The following LCOR variants were observed in gnomAD, a reference collection of about 807,000 sequenced individuals.
The protein encoded by LCOR is ligand-dependent corepressor.
A neutral mutation model predicts 64.4 loss-of-function variants in LCOR; 14 were observed. The ratio of observed to expected loss-of-function variants is 0.22; its 90% CI spans 0.14 to 0.34. The LOEUF (loss-of-function observed/expected upper bound fraction) is 0.34, where lower values mean the gene tolerates loss of function less well. Among genes scored for constraint, LCOR ranks in the 10% least tolerant of loss-of-function variants. The probability of loss-of-function intolerance (pLI) is 1.00; values close to 1 mark genes in which losing one functional copy is unlikely to be tolerated. For synonymous variants in LCOR, 643 were observed against 642.5 expected, an observed-to-expected ratio of 1.00 and a Z score of -0.01; for missense variants, 1,686 against 1,765.3, an observed-to-expected ratio of 0.96 and a Z score of 0.80.
In LCOR at chr10:96,994,113, T is replaced by C. The variant is rs536723023; in HGVS notation, c.*8979T>C. On this transcript the variant is annotated 3_prime_UTR_variant, in exon 8 of 8. Coordinates refer to ENST00000421806, the MANE Select transcript of LCOR (RefSeq NM_001346516.2). ...AGATGGAAAATTTTGCAATTTTTCA[T>C]GAATTTATAGGGTTTCCAGAATCTA... is the stretch of plus-strand genomic sequence containing the variant. 2 of 152,320 alleles carry C rather than the reference T, an allele frequency of 1.3e-5. No individual in the cohort carries two copies. Among genetic ancestry groups the C allele is most frequent in the South Asian group, 4.1e-4 (2 of 4,824 alleles). The allele number at this position is 152,320 out of a possible 1,614,324, so 9.4% of individuals were successfully genotyped here.
intron 7 of LCOR, among the ~76,000 whole-genome samples, chr10:96,953,921 A>G (rs761067758): frequency 6.6e-6 from 1 of 152,246 alleles, no homozygotes; most frequent in African/African-American, 2.4e-5. Flanking sequence ...CCCCTTGGGC[A>G]TGTTTTGCCA....
intron 1 of LCOR, among the ~76,000 whole-genome samples, 152 bp downstream of exon 1, chr10:96,832,551 G>C (rs1272077158): frequency 7.2e-6 from 1 of 139,284 alleles, no homozygotes; most frequent in African/African-American, 2.7e-5. Context: ...CCCCCGGAGT[G>C]TGAGCGCGCG....
At chr10:96,967,980 C>T (rs770059264) in intron 7 of LCOR, among the ~76,000 whole-genome samples, 1 of 152,118 alleles carries the variant, frequency 6.6e-6, no homozygotes, top group Non-Finnish European at 1.5e-5. Context: ...TAGACTAGAT[C>T]CACTGAATCA....
At chr10:96,889,459 C>A (rs1357038219) in intron 2 of LCOR, among the ~76,000 whole-genome samples, 1 of 152,182 alleles carries the variant, frequency 6.6e-6, no homozygotes, top group African/African-American at 2.4e-5. Flanking sequence ...CTCCTCCTGG[C>A]TTGTAGGTAG....
At position 96,833,293 on chromosome 10, in the gene LCOR, G is replaced by T. The variant is rs1482359727; in HGVS notation, c.-403-113G>T. Reference sequence around the variant, plus strand: ...CTCCCGGACCTTGGGCCGCCCTCGGGTGGCTTTTTCCCTGCGGGCCGGAGG... The same window carrying T: ...CTCCCGGACCTTGGGCCGCCCTCGGTTGGCTTTTTCCCTGCGGGCCGGAGG... On this transcript the variant is annotated intron_variant, in intron 1 of 7. Transcript: ENST00000421806. 6 of 954,038 alleles carry T rather than the reference G, an allele frequency of 6.3e-6. No homozygotes were observed. In the African/African-American group the frequency reaches 1.1e-4, roughly 17 times the overall value. The allele number at this position is 954,038 out of a possible 1,614,324, so 59.1% of individuals were successfully genotyped here.
chr10:96,836,953 A>G (rs1035213675), intron 2 of LCOR, among the ~76,000 whole-genome samples: 3 of 151,976 alleles, frequency 2.0e-5, no homozygotes, highest in East Asian at 3.8e-4. Flanking sequence ...AGCTTTAGTT[A>G]AGGATTTCAT....
intron 7 of LCOR, among the ~76,000 whole-genome samples, chr10:96,954,619 T>A (rs1847735309): frequency 7.1e-6 from 1 of 140,012 alleles, no homozygotes; most frequent in South Asian, 2.2e-4. Context: ...TGATGATTAC[T>A]TTGTAATTAA....
chr10:96,916,383 T>C (rs926522809), intron 4 of LCOR, among the ~76,000 whole-genome samples: 15 of 152,002 alleles, frequency 9.9e-5, no homozygotes, highest in Admixed American at 2.6e-4. Context: ...GTTGTTACTT[T>C]TATATTGTAT....
intron 4 of LCOR, among the ~76,000 whole-genome samples, chr10:96,913,984 A>G (rs1846892803): frequency 6.6e-6 from 1 of 152,132 alleles, no homozygotes; most frequent in Non-Finnish European, 1.5e-5. Flanking sequence ...GAAAGGGCAC[A>G]TCCTGGTTGG....
intron 2 of LCOR, among the ~76,000 whole-genome samples, chr10:96,859,800 C>A (rs556424150): frequency 6.6e-6 from 1 of 152,264 alleles, no homozygotes; most frequent in African/African-American, 2.4e-5. Flanking sequence ...CTCAAGCAGT[C>A]CACTCTTGGC....
At chr10:96,843,216 C>G (rs1845571374) in intron 2 of LCOR, among the ~76,000 whole-genome samples, 1 of 152,174 alleles carries the variant, frequency 6.6e-6, no homozygotes, top group South Asian at 2.1e-4. Context: ...ACTCAAACTC[C>G]TGGGGTCAAA....
intron 7 of LCOR, among the ~76,000 whole-genome samples, chr10:96,975,312 T>C (rs968776203): frequency 2.0e-4 from 31 of 152,212 alleles, no homozygotes; most frequent in African/African-American, 7.5e-4. Context: ...CAGGGCCTTT[T>C]AATGACACCT....
chr10:96,875,826 A>G (rs1409092567), intron 2 of LCOR, among the ~76,000 whole-genome samples: 1 of 152,106 alleles, frequency 6.6e-6, no homozygotes, highest in African/African-American at 2.4e-5. Flanking sequence ...TGTTTGCACC[A>G]CTGCACTCCA....
chr10:96,877,833 G>T (rs1201521763), intron 2 of LCOR, among the ~76,000 whole-genome samples: 2 of 151,896 alleles, frequency 1.3e-5, no homozygotes, highest in Admixed American at 1.3e-4. Flanking sequence ...GGATGGTCTC[G>T]ATCTCCTGAC....
chr10:96,979,506 A>T (rs1010873554), intron 7 of LCOR, among the ~76,000 whole-genome samples: 2 of 152,186 alleles, frequency 1.3e-5, no homozygotes, highest in African/African-American at 4.8e-5. Context: ...AGCTCTAAGG[A>T]TTTGTCCTGG....
At chr10:96,908,750 C>G (rs1242093787) in intron 4 of LCOR, among the ~76,000 whole-genome samples, 1 of 149,542 alleles carries the variant, frequency 6.7e-6, no homozygotes, top group Non-Finnish European at 1.5e-5. Flanking sequence ...GAGTCTCACT[C>G]TGTCATCCAG....
chr10:96,893,022 G>A (rs1846472663), intron 2 of LCOR, among the ~76,000 whole-genome samples: 1 of 151,700 alleles, frequency 6.6e-6, no homozygotes, highest in Non-Finnish European at 1.5e-5. Flanking sequence ...ACTGATTTTT[G>A]TGTTACATAT....
intron 7 of LCOR, among the ~76,000 whole-genome samples, chr10:96,974,584 C>T (rs900177826): frequency 6.6e-6 from 1 of 152,154 alleles, no homozygotes; most frequent in African/African-American, 2.4e-5. Flanking sequence ...GGACCTTAGG[C>T]CAAGTTGAGG....
Position 96,991,121 on chromosome 10 carries a change from T to C in LCOR, c.*5987T>C, listed in dbSNP as rs568077488. ...TGTGGAAAAGCTCTACTGATCCTTA[T>C]AGTAGTCATTAAAGATCAAATTGTG... is the stretch of plus-strand genomic sequence containing the variant. On this transcript the variant is annotated 3_prime_UTR_variant, in exon 8 of 8. Transcript: ENST00000421806. 4.9e-4 allele frequency: 74 copies of C among 151,774 alleles called. No homozygotes were observed. Among genetic ancestry groups the C allele is most frequent in the African/African-American group, 1.8e-3 (73 of 41,410 alleles). The allele number at this position is 151,774 out of a possible 1,614,324, so 9.4% of individuals were successfully genotyped here. A position where few individuals can be genotyped will look rare whatever the true frequency, so the allele number is the denominator to read the frequency against.
Sources: allele counts gnomAD v4.1 joint callset (sites outside exome capture counted in the v4.1 genomes callset), GRCh38; gene constraint gnomAD v4.1.1; transcripts MANE v1.5; gene names NCBI Gene and HGNC (gene_info 2026-07-23, HGNC 2026-07-21).